Variants in C2orf74 observed in about 807,000 individuals in gnomAD.
C2orf74 encodes DPM1 ER membrane anchor 1.
A neutral mutation model predicts 17.9 loss-of-function variants in C2orf74; 14 were observed. The observed-to-expected ratio is 0.78, with a 90% CI of 0.52 to 1.22. The LOEUF (loss-of-function observed/expected upper bound fraction) is 1.22. Ranked by LOEUF, C2orf74 falls within the 50% of genes most tolerant of loss-of-function variation. The pLI is 0.00. For synonymous variants in C2orf74, 79 were observed against 72.6 expected (o/e 1.09, Z -0.44); for missense variants, 217 against 218.4 (o/e 0.99, Z 0.04).
At chr2:61,154,721 C>G (rs1401721369) in intron 1 of C2orf74, among the ~76,000 whole-genome samples, 1 of 152,048 alleles carries the variant, frequency 6.6e-6, no homozygotes, top group Non-Finnish European at 1.5e-5. Flanking sequence ...CACTAGGTTA[C>G]CAATCATGGG....
At chr2:61,160,053 C>G (rs879734958), upstream of C2orf74, among the ~76,000 whole-genome samples, 6 of 152,124 alleles carry the variant, frequency 3.9e-5, no homozygotes, top group Admixed American at 1.3e-4. Flanking sequence ...TTTCAGGTAC[C>G]TCATATAAGT....
chr2:61,146,585 C>T (rs1163628562), intron 1 of C2orf74, among the ~76,000 whole-genome samples: 2 of 152,098 alleles, frequency 1.3e-5, no homozygotes, highest in East Asian at 3.8e-4. Context: ...CTTGTAATCC[C>T]AGCATTTTGG....
intron 1 of C2orf74, among the ~76,000 whole-genome samples, chr2:61,151,046 A>G (rs2105016198): frequency 1.3e-5 from 2 of 152,204 alleles, no homozygotes; most frequent in Non-Finnish European, 2.9e-5. Flanking sequence ...GACTGGGTGC[A>G]GTGGCTCACG....
At chr2:61,162,669 G>A (rs1473694677) in intron 2 of C2orf74, 60 bp downstream of exon 2, 1 of 1,132,390 alleles carries the variant, frequency 8.8e-7, no homozygotes, top group South Asian at 1.4e-5. Flanking sequence ...AATGTGTATA[G>A]AAATAATGTA....
intron 1 of C2orf74, among the ~76,000 whole-genome samples, chr2:61,147,312 G>A (rs185343544): frequency 2.6e-5 from 4 of 152,032 alleles, no homozygotes; most frequent in Admixed American, 6.6e-5. Context: ...CGATCTGCGG[G>A]CCTCGGCTTC....
At chr2:61,150,370 C>T (rs2105015263) in intron 1 of C2orf74, among the ~76,000 whole-genome samples, 1 of 152,298 alleles carries the variant, frequency 6.6e-6, no homozygotes, top group Non-Finnish European at 1.5e-5. Flanking sequence ...ACTGTATAAA[C>T]TCCCCTTCAT....
At position 61,162,887 on chromosome 2, in the gene C2orf74, A is replaced by C. The variant is rs1685607646; in HGVS notation, c.141A>C (p.Thr47=). The change falls in exon 3 of 5, where the codon ACA becomes ACC. Residue 47 remains threonine (T), a synonymous_variant. Coordinates refer to ENST00000432605, the MANE Select transcript of C2orf74 (RefSeq NM_001143959.4). ...KGKETKKVPC[T]DANGGVDCAA... is the part of the protein sequence containing the mutation. Reference sequence around the variant, plus strand: ...AAGAGACAAAGAAAGTGCCTTGTACAGATGCAAACGGAGGTGTAGACTGTG... The same window carrying C: ...AAGAGACAAAGAAAGTGCCTTGTACCGATGCAAACGGAGGTGTAGACTGTG... The C allele has an allele frequency of 6.4e-7, 1 of 1,552,446 alleles. No individual in the cohort carries two copies. Among genetic ancestry groups the C allele is most frequent in the African/African-American group, 1.4e-5 (1 of 73,062 alleles).
intron 1 of C2orf74, among the ~76,000 whole-genome samples, chr2:61,154,472 TCAAC>T (rs1276203312): frequency 6.6e-6 from 1 of 152,092 alleles, no homozygotes; most frequent in Non-Finnish European, 1.5e-5. Flanking sequence ...AGAATCTGAA[TCAAC>T]CATGGGCTTT....
chr2:61,145,938 G>T (rs1388718180), intron 1 of C2orf74, among the ~76,000 whole-genome samples: 1 of 152,192 alleles, frequency 6.6e-6, no homozygotes, highest in Admixed American at 6.5e-5. Context: ...GAAAACAGGT[G>T]CAGTGTTACA....
Position 61,156,753 on chromosome 2 carries a change from C to T in C2orf74, c.-121-6089C>T, listed in dbSNP as rs143000195. ...TACAAAAAGTTAGTGGGCATGGTGG[C>T]GTGCACCTGTAATTCTAACTACTTG... On this transcript the variant is annotated intron_variant, in intron 1 of 3. Transcript: ENST00000426997. Among the ~76,000 whole-genome samples the T allele has an allele frequency of 2.5e-3, 380 of 152,148 alleles. 3 individuals carry two copies. The highest frequency in any genetic ancestry group is 8.5e-3 in the African/African-American group (355 of 41,522).
intron 1 of C2orf74, among the ~76,000 whole-genome samples, chr2:61,154,301 A>G (rs1685331117): frequency 1.3e-5 from 2 of 152,146 alleles, no homozygotes. Context: ...ATCCTACAGT[A>G]TACTTGATCA....
At chr2:61,148,181 A>T (rs1402098246) in intron 1 of C2orf74, among the ~76,000 whole-genome samples, 1 of 147,920 alleles carries the variant, frequency 6.8e-6, no homozygotes, top group Non-Finnish European at 1.5e-5. Context: ...ATAATATATA[A>T]AAATATATAT....
At position 61,163,125 on chromosome 2, in the gene C2orf74, G is replaced by C. The variant is rs544072959; in HGVS notation, c.283G>C (p.Val95Leu). ...GILVQRQSKE[V>L]LATPLENRRD... ...TCTTGTCCAGAGACAGAGTAAGGAA[G>C]TGTTGGCCACACCCTTAGAAAACAG... The change falls in exon 4 of 5, where the codon GTG becomes CTG. Residue 95 changes from valine (V) to leucine (L), a missense_variant. Transcript: ENST00000432605. The C allele has an allele frequency of 6.4e-7, 1 of 1,552,236 alleles. No homozygotes were observed. Among genetic ancestry groups the C allele is most frequent in the African/African-American group, 1.4e-5 (1 of 73,190 alleles).
At chr2:61,163,468 G>T (rs1244192251) in intron 4 of C2orf74, among the ~76,000 whole-genome samples, 1 of 151,934 alleles carries the variant, frequency 6.6e-6, no homozygotes, top group African/African-American at 2.4e-5. Context: ...GCTGGGCGTG[G>T]TGGCACCCGC....
intron 1 of C2orf74, among the ~76,000 whole-genome samples, chr2:61,150,173 G>A (rs957347353): frequency 6.6e-6 from 1 of 152,118 alleles, no homozygotes. Flanking sequence ...TCTCCCTTAG[G>A]CCAAGAGTCA....
chr2:61,148,991 C>T (rs548759457), intron 1 of C2orf74, among the ~76,000 whole-genome samples: 40 of 152,236 alleles, frequency 2.6e-4, no homozygotes, highest in African/African-American at 8.7e-4. Flanking sequence ...TATTTTGCTC[C>T]GAACCTAAAA....
chr2:61,163,103 T>C lies in C2orf74; in HGVS notation c.261T>C (p.Leu87=). 1.9e-6 allele frequency: 3 copies of C among 1,552,182 alleles called. No individual in the cohort carries two copies. Among genetic ancestry groups the C allele is most frequent in the Non-Finnish European group, 2.6e-6 (3 of 1,147,082 alleles). ...NLNVPMRPGI[L]VQRQSKEVLA... is the part of the protein sequence containing the mutation. ...ATGTGCCGATGAGGCCTGGCATTCT[T>C]GTCCAGAGACAGAGTAAGGAAGTGT... is the stretch of plus-strand genomic sequence containing the variant. Residue 87 remains leucine (L), a synonymous_variant, in exon 4 of 5, where the codon CTT becomes CTC. Coordinates refer to ENST00000432605, the MANE Select transcript of C2orf74 (RefSeq NM_001143959.4).
In C2orf74 at chr2:61,162,600, T is replaced by A. The variant is rs768205897; in HGVS notation, c.86T>A (p.Leu29Ter). The change falls in exon 2 of 5, where the codon TTA becomes TAA. Residue 29 changes from leucine (L) to a stop codon, truncating the protein, a stop_gained. Coordinates refer to ENST00000432605, the MANE Select transcript of C2orf74 (RefSeq NM_001143959.4). LOFTEE classifies it high-confidence loss of function. ...ICILLLLVVFLYKCFQGRKGK... is the reference protein window; with the variant it reads ...ICILLLLVVF ...ATCCTCCTCTTATTGGTGGTTTTTT[T>A]ATATAAATGGTATAAATCCATGCTG... is the stretch of plus-strand genomic sequence containing the variant. 1.4e-5 allele frequency: 22 copies of A among 1,531,858 alleles called. No homozygotes were observed. In the South Asian group the frequency reaches 1.7e-4, roughly 12 times the overall value. 94.9% of individuals were successfully genotyped at this position (1,531,858 alleles called of 1,614,324 possible).
chr2:61,145,843 G>T (rs987587104), intron 1 of C2orf74, among the ~76,000 whole-genome samples: 2 of 152,174 alleles, frequency 1.3e-5, no homozygotes, highest in Admixed American at 1.3e-4. Context: ...TTACAGGCCA[G>T]CTTCAGTTTT....
Sources: allele counts gnomAD v4.1 joint callset (sites outside exome capture counted in the v4.1 genomes callset), GRCh38; gene constraint gnomAD v4.1.1; transcripts MANE v1.5; gene names NCBI Gene and HGNC (gene_info 2026-07-23, HGNC 2026-07-21).